The following VGLL2 variants were observed in gnomAD, a reference collection of about 807,000 sequenced individuals.
VGLL2 encodes vestigial like family member 2, also known as transcription cofactor vestigial-like protein 2.
In VGLL2, 18 loss-of-function variants were observed where a neutral mutation model predicts 27.0. The observed-to-expected ratio is 0.67, with a 90% CI of 0.46 to 0.99. VGLL2 has a LOEUF of 0.99. VGLL2 is among the 50% of genes least tolerant of loss of function. The pLI, the probability that VGLL2 is intolerant of heterozygous loss-of-function variation, is 0.00. For missense variants in VGLL2, 491 were observed against 452.3 expected, an observed-to-expected ratio of 1.09 and a Z score of -0.78; for synonymous variants, 220 against 201.1, an observed-to-expected ratio of 1.09 and a Z score of -0.80.
intron 2 of VGLL2, 140 bp from the exon 3 acceptor site, chr6:117,270,403 C>A (rs1439875649): frequency 2.6e-6 from 3 of 1,134,962 alleles, no homozygotes; most frequent in Non-Finnish European, 3.5e-6. Context: ...GCCCATCAGC[C>A]CCGGCCATGG....
chr6:117,268,300 A>G lies in VGLL2; in HGVS notation c.200A>G (p.Glu67Gly), dbSNP rs147909337. 4.8e-5 allele frequency: 78 copies of G among 1,614,190 alleles called. No individual in the cohort carries two copies. The African/African-American group carries it at 9.6e-4, about 20-fold the overall frequency. ...ACCCCAGCCAGTATAAAAGAGGAAGAAGGCAGCCCAGAGAAAGAGCGCCCA... is the reference window on the plus strand; with the variant it reads ...ACCCCAGCCAGTATAAAAGAGGAAGGAGGCAGCCCAGAGAAAGAGCGCCCA... ...SQTPASIKEE[E>G]GSPEKERPPE... Residue 67 changes from glutamate (E) to glycine (G), a missense_variant, in exon 2 of 4, where the codon GAA becomes GGA. Glu to Gly is a moderately conservative substitution (Grantham distance 98). Transcript: ENST00000326274.
At chr6:117,269,109 GAAAC>G (rs1419006478) in intron 2 of VGLL2, among the ~76,000 whole-genome samples, 1 of 152,110 alleles carries the variant, frequency 6.6e-6, no homozygotes, top group Non-Finnish European at 1.5e-5. Flanking sequence ...AAATAACAAA[GAAAC>G]AAAAATTTAG....
intron 1 of VGLL2, among the ~76,000 whole-genome samples, chr6:117,267,726 G>C (rs182942174): frequency 5.4e-4 from 83 of 152,340 alleles, no homozygotes; most frequent in African/African-American, 1.9e-3. Flanking sequence ...TCATCAGGAG[G>C]ATGTTTATCC....
Position 117,272,595 on chromosome 6 carries a change from A to G in VGLL2, c.*101A>G. ...CGTGGATGAGGACATGGGGGAAGGC[A>G]GAGACTTCAGACTTCTCAGTGTGTT... On this transcript the variant is annotated 3_prime_UTR_variant, in exon 4 of 4. Transcript: ENST00000326274. 6.4e-7 allele frequency: 1 copy of G among 1,550,564 alleles called. No homozygotes were observed. The highest frequency in any genetic ancestry group is 8.8e-7 in the Non-Finnish European group (1 of 1,135,470).
chr6:117,265,751 G>A lies in VGLL2; in HGVS notation c.-13G>A. 6.2e-7 allele frequency: 1 copy of A among 1,613,152 alleles called. No individual in the cohort carries two copies. The highest frequency in any genetic ancestry group is 1.1e-5 in the South Asian group (1 of 91,030). The stretch of plus-strand genomic sequence containing the variant: ...AATGAAAAAACACTTAACCGTCTCC[G>A]CTGCGGAGAGTCATGAGCTGTCTGG... On this transcript the variant is annotated 5_prime_UTR_variant, in exon 1 of 4. Coordinates refer to ENST00000326274, the MANE Select transcript of VGLL2 (RefSeq NM_182645.3).
In VGLL2 at chr6:117,265,693, T is replaced by A. The variant is rs889444820; in HGVS notation, c.-71T>A. 19 of 1,392,570 alleles carry A rather than the reference T, an allele frequency of 1.4e-5. No homozygotes were observed. Among genetic ancestry groups the A allele is most frequent in the Non-Finnish European group, 1.9e-5 (19 of 983,908 alleles). 86.3% of individuals were successfully genotyped at this position (1,392,570 alleles called of 1,614,324 possible). A position where few individuals can be genotyped will look rare whatever the true frequency, so the allele number is the denominator to read the frequency against. ...AGAGCGCGGGTCCAAGCGCCGCCCA[T>A]GCAGCACCCCTGAGCTCCGGGGAAG... On this transcript the variant is annotated 5_prime_UTR_variant, in exon 1 of 4. An upstream start codon of the reference 5' UTR is lost. Coordinates refer to ENST00000326274, the MANE Select transcript of VGLL2 (RefSeq NM_182645.3).
At chr6:117,268,535 T>C (rs1224295470) in intron 2 of VGLL2, 44 bp downstream of exon 2, 1 of 1,505,320 alleles carries the variant, frequency 6.6e-7, no homozygotes. Flanking sequence ...GGGGGTCCTC[T>C]CAGCCTGGGG....
Position 117,268,559 on chromosome 6 carries a change from G to A in VGLL2, c.391+68G>A. On this transcript the variant is annotated intron_variant, in intron 2 of 3. Coordinates refer to ENST00000326274, the MANE Select transcript of VGLL2 (RefSeq NM_182645.3). ...CTCAGCCTGGGGTTCACCTACAGGAGCCTAAAAACATGCAGCTGAAAAGAA... is the reference window on the plus strand; with the variant it reads ...CTCAGCCTGGGGTTCACCTACAGGAACCTAAAAACATGCAGCTGAAAAGAA... 4 of 1,439,982 alleles carry A rather than the reference G, an allele frequency of 2.8e-6. No individual in the cohort carries two copies. The East Asian group carries it at 9.9e-5, about 36-fold the overall frequency. The allele number at this position is 1,439,982 out of a possible 1,614,324, so 89.2% of individuals were successfully genotyped here. A position where few individuals can be genotyped will look rare whatever the true frequency, so the allele number is the denominator to read the frequency against.
In VGLL2 at chr6:117,270,959, T is replaced by C. The variant is rs963674361; in HGVS notation, c.808T>C (p.Ser270Pro). The change falls in exon 3 of 4, where the codon TCC (serine) becomes CCC (proline). Residue 270 changes from serine (S) to proline (P), a missense_variant. Ser to Pro is a moderately conservative substitution (Grantham distance 74). Transcript: ENST00000326274. ...GCCCGGCAGTCCTCCCTGCGAGCTC[T>C]CCGGCAAAGGCGAGCCGGCGGGCGC... ...PAPGSPPCEL[S>P]GKGEPAGAAW... The C allele has an allele frequency of 7.3e-6, 9 of 1,234,846 alleles. No homozygotes were observed. The highest frequency in any genetic ancestry group is 1.6e-5 in the African/African-American group (1 of 63,636). The allele number at this position is 1,234,846 out of a possible 1,614,324, so 76.5% of individuals were successfully genotyped here. A position where few individuals can be genotyped will look rare whatever the true frequency, so the allele number is the denominator to read the frequency against.
intron 1 of VGLL2, 28 bp from the exon 2 acceptor site, chr6:117,268,154 T>A: frequency 2.5e-6 from 4 of 1,602,792 alleles, no homozygotes; most frequent in Non-Finnish European, 3.4e-6. Context: ...TTGAAATTGA[T>A]ATCTCTGTTC....
chr6:117,270,730 C>G lies in VGLL2; in HGVS notation c.579C>G (p.Pro193=). ...HGHLHQGATE[P]WHHAHPHHAH... Reference sequence around the variant, plus strand: ...ACCTGCACCAGGGCGCCACGGAGCCCTGGCACCACGCGCACCCGCACCACG... The same window carrying G: ...ACCTGCACCAGGGCGCCACGGAGCCGTGGCACCACGCGCACCCGCACCACG... The change falls in exon 3 of 4, where the codon CCC becomes CCG. Residue 193 remains proline, a synonymous_variant. Transcript: ENST00000326274. The G allele has an allele frequency of 1.3e-6, 2 of 1,523,272 alleles. No homozygotes were observed. Among genetic ancestry groups the G allele is most frequent in the Non-Finnish European group, 1.7e-6 (2 of 1,145,292 alleles). 94.4% of individuals were successfully genotyped at this position (1,523,272 alleles called of 1,614,324 possible).
At chr6:117,271,324 GATAATAATA>G (rs3080434) in intron 3 of VGLL2, among the ~76,000 whole-genome samples, 6 of 138,886 alleles carry the variant, frequency 4.3e-5, no homozygotes, top group African/African-American at 8.0e-5. Context: ...TAATAATAAT[GATAATAATA>G]ATAATAATAA....
chr6:117,270,925 GGCGCCC>G lies in VGLL2; in HGVS notation c.782_787del (p.Ala261_Pro262del). 1 of 1,243,328 alleles carries G rather than the reference GGCGCCC, an allele frequency of 8.0e-7. No homozygotes were observed. The highest frequency in any genetic ancestry group is 1.6e-5 in the African/African-American group (1 of 63,590). The allele number at this position is 1,243,328 out of a possible 1,614,324, so 77.0% of individuals were successfully genotyped here. A position where few individuals can be genotyped will look rare whatever the true frequency, so the allele number is the denominator to read the frequency against. On this transcript the variant is annotated inframe_deletion, in exon 3 of 4. Coordinates refer to ENST00000326274, the MANE Select transcript of VGLL2 (RefSeq NM_182645.3). ...GCCCGGCCCGCCTCGCAACCGCCCCGGCGCCCGCGCCCGGCAGTCCTCCCTGCGAGC... is the reference window on the plus strand; with the variant it reads ...GCCCGGCCCGCCTCGCAACCGCCCCGGCGCCCGGCAGTCCTCCCTGCGAGC...
At position 117,268,257 on chromosome 6, in the gene VGLL2, T is replaced by A. The variant is rs1022765137; in HGVS notation, c.157T>A (p.Ser53Thr). 2 of 1,613,738 alleles carry A rather than the reference T, an allele frequency of 1.2e-6. No individual in the cohort carries two copies. The highest frequency in any genetic ancestry group is 1.7e-6 in the Non-Finnish European group (2 of 1,180,024). ...ASPSSSGSGS[S>T]SFSSQTPASI... ...CCCCAGCAGCAGTGGCAGCGGCAGC[T>A]CCTCATTTTCCAGCCAAACCCCAGC... Residue 53 changes from serine (S) to threonine (T), a missense_variant, in exon 2 of 4, where the codon TCC becomes ACC. Coordinates refer to ENST00000326274, the MANE Select transcript of VGLL2 (RefSeq NM_182645.3).
rs542219007 is a variant in VGLL2, at chr6:117,273,115, A to G, written c.*621A>G. On this transcript the variant is annotated 3_prime_UTR_variant, in exon 4 of 4. Transcript: ENST00000326274. ...ATCTGGAGCCACCTGCCCAAGTCTTACTAAAATGCAGCTGTTGTTAGACAA... is the reference window on the plus strand; with the variant it reads ...ATCTGGAGCCACCTGCCCAAGTCTTGCTAAAATGCAGCTGTTGTTAGACAA... 1 of 152,912 alleles carries G rather than the reference A, an allele frequency of 6.5e-6. No individual in the cohort carries two copies. Among genetic ancestry groups the G allele is most frequent in the East Asian group, 1.9e-4 (1 of 5,188 alleles). The allele number at this position is 152,912 out of a possible 1,614,324, so 9.5% of individuals were successfully genotyped here. A position where few individuals can be genotyped will look rare whatever the true frequency, so the allele number is the denominator to read the frequency against.
Position 117,272,689 on chromosome 6 carries a change from C to A in VGLL2, c.*195C>A. Reference sequence around the variant, plus strand: ...AGTCCTGCTGCTGAAAGAGCAAATCCAAAGACTGAGTTATGTTTAATGACT... The same window carrying A: ...AGTCCTGCTGCTGAAAGAGCAAATCAAAAGACTGAGTTATGTTTAATGACT... On this transcript the variant is annotated 3_prime_UTR_variant, in exon 4 of 4. Coordinates refer to ENST00000326274, the MANE Select transcript of VGLL2 (RefSeq NM_182645.3). 1.4e-6 allele frequency: 1 copy of A among 718,824 alleles called. No homozygotes were observed. The highest frequency in any genetic ancestry group is 2.2e-6 in the Non-Finnish European group (1 of 450,906). 44.5% of individuals were successfully genotyped at this position (718,824 alleles called of 1,614,324 possible).
At chr6:117,268,121 C>A in intron 1 of VGLL2, 61 bp from the exon 2 acceptor site, 1 of 1,544,262 alleles carries the variant, frequency 6.5e-7, no homozygotes, top group Non-Finnish European at 8.8e-7. Context: ...GGGAATCAGT[C>A]TGAACCGAAT....
chr6:117,271,060 C>T lies in VGLL2; in HGVS notation c.909C>T (p.Asp303=). ...DVAQGLGLSV[D]SARRYSLCGA... ...CCCAGGGTCTGGGCCTCAGCGTGGA[C>T]TCAGGTAAGCAGAGGAAGAAGTTTG... The change falls in exon 3 of 4, where the codon GAC becomes GAT. Residue 303 remains aspartate, a synonymous_variant. Transcript: ENST00000326274. 8.2e-7 allele frequency: 1 copy of T among 1,225,202 alleles called. No individual in the cohort carries two copies. Among genetic ancestry groups the T allele is most frequent in the Non-Finnish European group, 1.0e-6 (1 of 984,408 alleles). 75.9% of individuals were successfully genotyped at this position (1,225,202 alleles called of 1,614,324 possible). A position where few individuals can be genotyped will look rare whatever the true frequency, so the allele number is the denominator to read the frequency against.
Position 117,270,666 on chromosome 6 carries a change from C to A in VGLL2, c.515C>A (p.Ala172Asp), listed in dbSNP as rs1204781202. ...ACCGCGCACTCGGAGCTGCCCTTCGCCGCCGCCGACCCCTACTCGCCCGCC... is the reference window on the plus strand; with the variant it reads ...ACCGCGCACTCGGAGCTGCCCTTCGACGCCGCCGACCCCTACTCGCCCGCC... ...LATAHSELPFAAADPYSPAAL... is the reference protein window; with the variant it reads ...LATAHSELPFDAADPYSPAAL... Residue 172 changes from alanine (A) to aspartate (D), a missense_variant, in exon 3 of 4, where the codon GCC becomes GAC. By Grantham distance (126) the Ala-to-Asp change is moderately radical. Transcript: ENST00000326274. 1 of 1,556,852 alleles carries A rather than the reference C, an allele frequency of 6.4e-7. No individual in the cohort carries two copies. Among genetic ancestry groups the A allele is most frequent in the African/African-American group, 1.4e-5 (1 of 71,954 alleles).
Sources: allele counts gnomAD v4.1 joint callset (sites outside exome capture counted in the v4.1 genomes callset), GRCh38; gene constraint gnomAD v4.1.1; transcripts MANE v1.5; gene names NCBI Gene and HGNC (gene_info 2026-07-23, HGNC 2026-07-21).